The following AFF3 variants were observed in gnomAD, a reference collection of about 807,000 sequenced individuals.
AFF3 encodes the protein AF4/FMR2 family member 3.
A neutral mutation model predicts 129.7 loss-of-function variants in AFF3; 32 were observed. The ratio of observed to expected loss-of-function variants is 0.25; its 90% CI spans 0.19 to 0.33. AFF3 has a LOEUF of 0.33. Among genes scored for constraint, AFF3 ranks in the 10% least tolerant of loss-of-function variants. AFF3 has a pLI of 1.00. For missense variants in AFF3, 1,373 were observed against 1,592.0 expected, an observed-to-expected ratio of 0.86 and a Z score of 2.34; for synonymous variants, 644 against 635.4, an observed-to-expected ratio of 1.01 and a Z score of -0.20.
intron 4 of AFF3, among the ~76,000 whole-genome samples, chr2:100,086,017 C>T (rs1182043131): frequency 6.6e-6 from 1 of 151,930 alleles, no homozygotes; most frequent in African/African-American, 2.4e-5. Flanking sequence ...CATCTTGCTC[C>T]AAAGGAACCT....
chr2:99,780,674 C>T (rs1192877460), intron 8 of AFF3, among the ~76,000 whole-genome samples: 2 of 152,202 alleles, frequency 1.3e-5, no homozygotes, highest in Non-Finnish European at 2.9e-5. Context: ...TCTTCCCCAT[C>T]TTAGTGAATG....
chr2:99,867,553 C>T (rs1477130953), intron 7 of AFF3, among the ~76,000 whole-genome samples: 1 of 145,748 alleles, frequency 6.9e-6, no homozygotes, highest in Admixed American at 7.0e-5. Context: ...CACACAGTCT[C>T]CCCAAGGCCT....
At chr2:100,039,385 C>A (rs995778880) in intron 4 of AFF3, among the ~76,000 whole-genome samples, 2 of 152,064 alleles carry the variant, frequency 1.3e-5, no homozygotes, top group Admixed American at 6.6e-5. Flanking sequence ...ACAGTGAGAC[C>A]CCATCTTTAC....
chr2:99,549,915 A>G lies in AFF3; in HGVS notation c.*1559T>C, dbSNP rs1674290019. 8 of 227,402 alleles carry G rather than the reference A, an allele frequency of 3.5e-5. No individual in the cohort carries two copies. The highest frequency in any genetic ancestry group is 4.4e-5 in the Non-Finnish European group (5 of 114,476). The allele number at this position is 227,402 out of a possible 1,614,324, so 14.1% of individuals were successfully genotyped here. ...GTATTTTGTGCCGTCATCACCTTGAAAAAATGGATTGCACCACATATTACA... is the reference window on the plus strand; with the variant it reads ...GTATTTTGTGCCGTCATCACCTTGAGAAAATGGATTGCACCACATATTACA... On this transcript the variant is annotated 3_prime_UTR_variant, in exon 25 of 25. Transcript: ENST00000672756.
At chr2:99,556,299 G>T (rs1674908539) in intron 22 of AFF3, among the ~76,000 whole-genome samples, 1 of 152,160 alleles carries the variant, frequency 6.6e-6, no homozygotes, top group African/African-American at 2.4e-5. Context: ...CAAAAAATTG[G>T]CCGGGTGTGG....
intron 8 of AFF3, among the ~76,000 whole-genome samples, chr2:99,790,283 C>G (rs190511826): frequency 6.6e-6 from 1 of 152,338 alleles, no homozygotes; most frequent in East Asian, 1.9e-4. Flanking sequence ...AACGTGGTAA[C>G]TAGTGTCTGA....
At chr2:100,114,966 A>T (rs1471274950) in intron 2 of AFF3, among the ~76,000 whole-genome samples, 1 of 152,106 alleles carries the variant, frequency 6.6e-6, no homozygotes, top group East Asian at 1.9e-4. Context: ...ATGTATTTCA[A>T]TTTTTTTCTC....
At chr2:100,010,496 T>C (rs1340059316) in intron 4 of AFF3, among the ~76,000 whole-genome samples, 1 of 152,214 alleles carries the variant, frequency 6.6e-6, no homozygotes, top group Non-Finnish European at 1.5e-5. Context: ...TTAGGGAATG[T>C]AAAGATATCC....
chr2:99,875,237 C>T (rs1692196089), intron 7 of AFF3, among the ~76,000 whole-genome samples: 2 of 152,062 alleles, frequency 1.3e-5, no homozygotes, highest in East Asian at 1.9e-4. Context: ...AAGTGGGCCC[C>T]GATCTGCCCC....
At chr2:99,983,535 T>C (rs1180411201) in intron 7 of AFF3, among the ~76,000 whole-genome samples, 1 of 152,246 alleles carries the variant, frequency 6.6e-6, no homozygotes, top group Non-Finnish European at 1.5e-5. Context: ...AGGCAGCGAC[T>C]TGACCTTCAA....
At chr2:99,980,926 C>G (rs1679342603) in intron 7 of AFF3, among the ~76,000 whole-genome samples, 1 of 152,026 alleles carries the variant, frequency 6.6e-6, no homozygotes, top group Non-Finnish European at 1.5e-5. Flanking sequence ...TTGGGATCAT[C>G]CTCTATATAT....
Position 100,008,917 on chromosome 2 carries a change from A to G in AFF3, c.69T>C (p.Asp23=), listed in dbSNP as rs1682242032. ...GTTCTTTCCTCCGTAATGCATTTCTATCTGGTTCATAGACACTGCATCAGG... is the reference window on the plus strand; with the variant it reads ...GTTCTTTCCTCCGTAATGCATTTCTGTCTGGTTCATAGACACTGCATCAGG... The part of the protein sequence containing the change: ...DLESLCVYEP[D]RNALRRKERE... Residue 23 remains aspartate (D), a synonymous_variant, in exon 5 of 25, where the codon GAT becomes GAC. Transcript: ENST00000672756. 2 of 1,613,996 alleles carry G rather than the reference A, an allele frequency of 1.2e-6. No individual in the cohort carries two copies. The highest frequency in any genetic ancestry group is 1.7e-5 in the Admixed American group (1 of 60,010).
At chr2:100,106,482 T>G in intron 2 of AFF3, 3 of 1,007,100 alleles carry the variant, frequency 3.0e-6, no homozygotes, top group Non-Finnish European at 3.6e-6. Flanking sequence ...CCCCTTAGCA[T>G]ACGCCTTGTT....
chr2:100,054,946 A>G (rs1322171023), intron 4 of AFF3, among the ~76,000 whole-genome samples: 2 of 152,156 alleles, frequency 1.3e-5, no homozygotes, highest in Non-Finnish European at 2.9e-5. Flanking sequence ...TGTTTCTCCA[A>G]CAGGTGTGAT....
At chr2:100,127,889 G>A (rs142668012) in intron 2 of AFF3, among the ~76,000 whole-genome samples, 1 of 152,264 alleles carries the variant, frequency 6.6e-6, no homozygotes, top group East Asian at 1.9e-4. Flanking sequence ...GACATTTAAG[G>A]CATTCTAATT....
At chr2:99,578,803 C>A (rs536432672) in intron 17 of AFF3, among the ~76,000 whole-genome samples, 1 of 152,170 alleles carries the variant, frequency 6.6e-6, no homozygotes, top group Admixed American at 6.5e-5. Context: ...TTTCCCAGTC[C>A]GCTAGACTGG....
rs142657331 is a variant in AFF3 at position 99,601,588 on chromosome 2, C to T, written c.1218G>A (p.Ser406=). ...AVVQQPNCRT[S]VPSSKGSSSS... ...TGCTGCTGCCCTTGCTGGAAGGCACCGAGGTTCTGCAGTTGGGCTGCTGGA... is the reference window on the plus strand; with the variant it reads ...TGCTGCTGCCCTTGCTGGAAGGCACTGAGGTTCTGCAGTTGGGCTGCTGGA... Residue 406 remains serine (S), a synonymous_variant, in exon 14 of 25, where the codon TCG becomes TCA. Transcript: ENST00000672756. The T allele has an allele frequency of 7.5e-6, 12 of 1,598,104 alleles. No individual in the cohort carries two copies. Among genetic ancestry groups the T allele is most frequent in the Admixed American group, 5.2e-5 (3 of 58,192 alleles).
rs1203091991 is a variant in AFF3, at chr2:99,593,754, C to T, written c.1907G>A (p.Ser636Asn). 1.2e-6 allele frequency: 2 copies of T among 1,612,810 alleles called. No individual in the cohort carries two copies. Among genetic ancestry groups the T allele is most frequent in the East Asian group, 4.5e-5 (2 of 44,862 alleles). The part of the protein sequence containing the change: ...KTRPCGNNRA[S>N]HRKELRSSVT... ...GGAGGAGCGCAGCTCCTTGCGGTGG[C>T]TCGCTCTGTTGTTGCCACAGGGCCT... Residue 636 changes from serine (S) to asparagine (N), a missense_variant, in exon 15 of 25, where the codon AGC (serine) becomes AAC (asparagine). Transcript: ENST00000672756.
chr2:100,004,371 A>T (rs1326613589), intron 7 of AFF3, among the ~76,000 whole-genome samples: 1 of 152,234 alleles, frequency 6.6e-6, no homozygotes, highest in East Asian at 1.9e-4. Flanking sequence ...TCTTTCAAAA[A>T]ATAAAAATAT....
Sources: gnomAD v4.1 joint callset for allele counts (sites outside exome capture counted in the v4.1 genomes callset) on GRCh38, gnomAD v4.1.1 for gene constraint, MANE v1.5 for transcripts, NCBI Gene and HGNC (gene_info 2026-07-23, HGNC 2026-07-21) for gene names.